The following LRRTM3 variants were observed in gnomAD, a reference collection of about 807,000 sequenced individuals.
LRRTM3 encodes leucine rich repeat transmembrane neuronal 3.
LRRTM3 carries 24 observed loss-of-function variants against 44.7 expected under a neutral mutation model. The ratio of observed to expected loss-of-function variants is 0.54; its 90% CI spans 0.39 to 0.76. LRRTM3 has a LOEUF of 0.76. Among genes scored for constraint, LRRTM3 ranks in the 30% least tolerant of loss-of-function variants. The pLI is 0.00. For synonymous variants in LRRTM3, 277 were observed against 278.7 expected (o/e 0.99, Z 0.06); for missense variants, 587 against 702.2 (o/e 0.84, Z 1.85).
At chr10:66,957,429 C>CAT (rs765398428) in intron 2 of LRRTM3, among the ~76,000 whole-genome samples, 1,638 of 27,210 alleles carry the variant, frequency 0.06, 62 homozygotes, top group African/African-American at 0.24. Flanking sequence ...TATATATATG[C>CAT]ATATATATAT....
Position 67,061,878 on chromosome 10 carries a change from T to C in LRRTM3, c.1537-35709T>C, listed in dbSNP as rs372766216. Among the ~76,000 whole-genome samples the C allele has an allele frequency of 4.6e-5, 7 of 152,274 alleles. No homozygotes were observed. The East Asian group carries it at 1.4e-3, about 29-fold the overall frequency. Reference sequence around the variant, plus strand: ...ATTACTGATAAAGAATCAAGTTATGTTCTAGATTCATGCAGAGTTTTATAG... The same window carrying C: ...ATTACTGATAAAGAATCAAGTTATGCTCTAGATTCATGCAGAGTTTTATAG... On this transcript the variant is annotated intron_variant, in intron 2 of 2. Coordinates refer to ENST00000361320, the MANE Select transcript of LRRTM3 (RefSeq NM_178011.5).
chr10:67,096,504 A>G (rs1858003272), intron 2 of LRRTM3, among the ~76,000 whole-genome samples: 1 of 151,958 alleles, frequency 6.6e-6, no homozygotes, highest in Non-Finnish European at 1.5e-5. Flanking sequence ...CAAGAATGGC[A>G]GAAGCTTTTA....
At chr10:66,997,524 A>T (rs899631366) in intron 2 of LRRTM3, among the ~76,000 whole-genome samples, 9 of 152,198 alleles carry the variant, frequency 5.9e-5, no homozygotes, top group African/African-American at 2.2e-4. Flanking sequence ...CTCTGGTAAA[A>T]CTTTTAGATC....
At chr10:67,078,061 A>C (rs1205850721) in intron 2 of LRRTM3, among the ~76,000 whole-genome samples, 1 of 152,206 alleles carries the variant, frequency 6.6e-6, no homozygotes. Flanking sequence ...GACCAGGGTC[A>C]TACTTGGACC....
intron 2 of LRRTM3, among the ~76,000 whole-genome samples, chr10:66,962,418 G>T (rs58209602): frequency 9.0e-5 from 13 of 144,254 alleles, no homozygotes; most frequent in Admixed American, 4.8e-4. Flanking sequence ...TTTTGTTTTT[G>T]TTTTTTTTTT....
chr10:67,060,022 A>T (rs1855670092), intron 2 of LRRTM3, among the ~76,000 whole-genome samples: 1 of 152,166 alleles, frequency 6.6e-6, no homozygotes, highest in African/African-American at 2.4e-5. Flanking sequence ...GATGATAAAA[A>T]TGTCTTTTTT....
intron 2 of LRRTM3, among the ~76,000 whole-genome samples, chr10:67,049,695 G>T (rs557864206): frequency 1.3e-5 from 2 of 152,268 alleles, no homozygotes; most frequent in South Asian, 4.1e-4. Context: ...TCCCTGACAA[G>T]TACAAATTCT....
chr10:67,023,028 T>C (rs1459168766), intron 2 of LRRTM3, among the ~76,000 whole-genome samples: 1 of 152,070 alleles, frequency 6.6e-6, no homozygotes, highest in African/African-American at 2.4e-5. Context: ...TATAATATGG[T>C]CAGTGATTGG....
intron 2 of LRRTM3, chr10:67,012,994 T>C (rs1406929013): frequency 2.0e-5 from 3 of 152,162 alleles, no homozygotes; most frequent in Admixed American, 2.0e-4. Context: ...GTAAGGCATC[T>C]TACCAGTTCT....
chr10:67,082,479 A>C (rs1283365499), intron 2 of LRRTM3, among the ~76,000 whole-genome samples: 1 of 152,172 alleles, frequency 6.6e-6, no homozygotes, highest in East Asian at 1.9e-4. Flanking sequence ...GATTTTGCAA[A>C]GGGCTATACT....
chr10:67,079,303 C>A (rs911354224), intron 2 of LRRTM3, among the ~76,000 whole-genome samples: 1 of 152,152 alleles, frequency 6.6e-6, no homozygotes, highest in Non-Finnish European at 1.5e-5. Context: ...GACATCATGG[C>A]CATGTAAGCC....
intron 2 of LRRTM3, among the ~76,000 whole-genome samples, chr10:67,038,211 T>C (rs1265259103): frequency 6.6e-6 from 1 of 152,162 alleles, no homozygotes; most frequent in Admixed American, 6.5e-5. Flanking sequence ...AAATATATTG[T>C]ATTATTTTAT....
intron 2 of LRRTM3, among the ~76,000 whole-genome samples, chr10:66,988,104 A>T (rs1850835809): frequency 6.6e-6 from 1 of 152,172 alleles, no homozygotes; most frequent in Non-Finnish European, 1.5e-5. Context: ...GAAGGAACAC[A>T]GGCTTTGAAG....
intron 2 of LRRTM3, among the ~76,000 whole-genome samples, chr10:66,947,512 G>T (rs967797322): frequency 6.6e-6 from 1 of 151,896 alleles, no homozygotes; most frequent in Non-Finnish European, 1.5e-5. Flanking sequence ...TGCCCTCTTT[G>T]TTTCCCCCAC....
At chr10:66,957,793 T>C (rs1175659097) in intron 2 of LRRTM3, among the ~76,000 whole-genome samples, 1 of 151,978 alleles carries the variant, frequency 6.6e-6, no homozygotes, top group East Asian at 1.9e-4. Context: ...TGCTGAAAAG[T>C]GTGCTTACAG....
chr10:67,059,960 TTG>T (rs1855664934), intron 2 of LRRTM3, among the ~76,000 whole-genome samples: 1 of 152,018 alleles, frequency 6.6e-6, no homozygotes, highest in Non-Finnish European at 1.5e-5. Context: ...TACAAATATG[TTG>T]AGGGAGATAA....
intron 2 of LRRTM3, among the ~76,000 whole-genome samples, chr10:67,062,869 G>A (rs1251817014): frequency 6.6e-6 from 1 of 152,186 alleles, no homozygotes; most frequent in African/African-American, 2.4e-5. Context: ...TGAAGTTTGT[G>A]TGGGCTTCTG....
intron 2 of LRRTM3, among the ~76,000 whole-genome samples, chr10:67,005,680 A>ATATTTTTTTTTTTTT (rs1564825972): frequency 3.8e-5 from 1 of 26,398 alleles, no homozygotes; most frequent in Admixed American, 7.9e-4. Context: ...ATTTTACTCC[A>ATATTTTTTTTTTTTT]TCTTTTTTTT....
intron 2 of LRRTM3, among the ~76,000 whole-genome samples, chr10:67,078,772 C>T (rs1037212370): frequency 2.0e-5 from 3 of 152,030 alleles, no homozygotes; most frequent in Middle Eastern, 3.2e-3. Flanking sequence ...CACCTCGGCC[C>T]CCCAACGTGC....
Sources: gnomAD v4.1 joint callset for allele counts (sites outside exome capture counted in the v4.1 genomes callset) on GRCh38, gnomAD v4.1.1 for gene constraint, MANE v1.5 for transcripts, NCBI Gene and HGNC (gene_info 2026-07-23, HGNC 2026-07-21) for gene names.